SHISA6: variants seen among roughly 807,000 people sequenced by gnomAD.
The protein encoded by SHISA6 is shisa family member 6, also known as protein shisa-6.
A neutral mutation model predicts 47.9 loss-of-function variants in SHISA6; 22 were observed. The observed-to-expected ratio is 0.46, with a 90% CI of 0.33 to 0.66. SHISA6 has a LOEUF of 0.66. Among genes scored for constraint, SHISA6 ranks in the 30% least tolerant of loss-of-function variants. The pLI, the probability that SHISA6 is intolerant of heterozygous loss-of-function variation, is 0.02. For missense variants in SHISA6, 680 were observed against 764.6 expected, an observed-to-expected ratio of 0.89 and a Z score of 1.30; for synonymous variants, 388 against 337.8, an observed-to-expected ratio of 1.15 and a Z score of -1.63.
intron 3 of SHISA6, among the ~76,000 whole-genome samples, chr17:11,453,649 T>C (rs1417632485): frequency 6.6e-6 from 1 of 152,240 alleles, no homozygotes; most frequent in Non-Finnish European, 1.5e-5. Flanking sequence ...AAAATATTTT[T>C]GAAATTTATT....
chr17:11,501,115 ATTTTTTT>A (rs61051749), intron 3 of SHISA6, among the ~76,000 whole-genome samples: 1 of 145,310 alleles, frequency 6.9e-6, no homozygotes, highest in African/African-American at 2.5e-5. Context: ...CTTCCAACAC[ATTTTTTT>A]TTTTTTTGAG....
chr17:11,315,814 ATTTGG>A (rs1395695352), intron 2 of SHISA6, among the ~76,000 whole-genome samples: 1 of 152,140 alleles, frequency 6.6e-6, no homozygotes, highest in Admixed American at 6.5e-5. Context: ...TCCCATCAAA[ATTTGG>A]TTTGGTTTAG....
chr17:11,261,095 G>C (rs368412583), intron 1 of SHISA6, among the ~76,000 whole-genome samples: 2 of 151,968 alleles, frequency 1.3e-5, no homozygotes, highest in African/African-American at 4.8e-5. Context: ...ATGGAAGATG[G>C]AGAGGAACCA....
chr17:11,282,082 T>C (rs563424277), intron 2 of SHISA6, among the ~76,000 whole-genome samples: 1 of 152,338 alleles, frequency 6.6e-6, no homozygotes, highest in African/African-American at 2.4e-5. Flanking sequence ...GGCCAAATTA[T>C]CTTTACAAAA....
chr17:11,378,346 T>TGC (rs113505593), intron 2 of SHISA6, among the ~76,000 whole-genome samples: 6,903 of 152,226 alleles, frequency 0.045, 279 homozygotes, highest in Admixed American at 0.095. Context: ...TGTGTGTGTG[T>TGC]GCGCGCACAT....
chr17:11,513,551 G>C (rs1193380247), intron 3 of SHISA6, among the ~76,000 whole-genome samples: 1 of 152,144 alleles, frequency 6.6e-6, no homozygotes, highest in Non-Finnish European at 1.5e-5. Flanking sequence ...GATTCTGGAA[G>C]CTGACTTGCA....
At chr17:11,384,473 T>C (rs1913129373) in intron 3 of SHISA6, among the ~76,000 whole-genome samples, 1 of 152,252 alleles carries the variant, frequency 6.6e-6, no homozygotes, top group Non-Finnish European at 1.5e-5. Flanking sequence ...AATACCCCTA[T>C]GGAAACCCTA....
intron 2 of SHISA6, among the ~76,000 whole-genome samples, chr17:11,350,369 A>T (rs1343139105): frequency 7.0e-6 from 1 of 143,652 alleles, no homozygotes; most frequent in Non-Finnish European, 1.5e-5. Context: ...TTTAGTAGAG[A>T]CGGGGTTTCA....
chr17:11,511,020 C>T (rs185084738), intron 3 of SHISA6, among the ~76,000 whole-genome samples: 6 of 152,268 alleles, frequency 3.9e-5, no homozygotes, highest in Admixed American at 2.0e-4. Context: ...AGAGCACCCA[C>T]CTCATAAATT....
At chr17:11,379,318 C>T (rs899490192) in intron 2 of SHISA6, 96 bp from the exon 3 acceptor site, 5 of 764,094 alleles carry the variant, frequency 6.5e-6, no homozygotes, top group African/African-American at 5.6e-5. Context: ...GGTTTGAAAA[C>T]ATGCACGCCA....
chr17:11,506,504 C>A (rs1163005591), intron 3 of SHISA6, among the ~76,000 whole-genome samples: 2 of 152,142 alleles, frequency 1.3e-5, no homozygotes, highest in Non-Finnish European at 2.9e-5. Context: ...CAAAACCCAT[C>A]AGTTATAATC....
intron 3 of SHISA6, among the ~76,000 whole-genome samples, chr17:11,533,137 A>T (rs927352815): frequency 1.3e-5 from 2 of 152,184 alleles, no homozygotes; most frequent in African/African-American, 4.8e-5. Flanking sequence ...AATCTTCATT[A>T]TCAGCCCTCT....
intron 2 of SHISA6, chr17:11,288,464 A>G (rs937871896): frequency 5.3e-5 from 8 of 152,016 alleles, no homozygotes; most frequent in Non-Finnish European, 1.0e-4. Flanking sequence ...TCTCTCACTA[A>G]TTATTGCTGA....
At chr17:11,258,794 G>A (rs1908114735) in intron 1 of SHISA6, among the ~76,000 whole-genome samples, 1 of 152,258 alleles carries the variant, frequency 6.6e-6, no homozygotes, top group Non-Finnish European at 1.5e-5. Flanking sequence ...AAGGTGAATA[G>A]CACTGAGCAG....
intron 5 of SHISA6, among the ~76,000 whole-genome samples, chr17:11,556,916 A>C (rs1442983293): frequency 1.3e-5 from 2 of 152,146 alleles, no homozygotes; most frequent in Non-Finnish European, 2.9e-5. Flanking sequence ...GTAGCATGCA[A>C]GTCCAAGTAG....
chr17:11,477,315 G>GTCGTTC (rs144511618), intron 3 of SHISA6, among the ~76,000 whole-genome samples: 1 of 151,262 alleles, frequency 6.6e-6, no homozygotes, highest in Admixed American at 6.6e-5. Context: ...AGTTTTCTGT[G>GTCGTTC]TTGTTCTTTA....
intron 2 of SHISA6, among the ~76,000 whole-genome samples, chr17:11,304,158 C>T (rs1206638668): frequency 2.6e-5 from 4 of 152,218 alleles, no homozygotes; most frequent in South Asian, 4.1e-4. Flanking sequence ...GAGGGCCTGA[C>T]TGGCCAAGAG....
At chr17:11,402,117 T>C (rs1913794501) in intron 3 of SHISA6, among the ~76,000 whole-genome samples, 1 of 152,200 alleles carries the variant, frequency 6.6e-6, no homozygotes, top group Non-Finnish European at 1.5e-5. Context: ...GCAGTTCTAC[T>C]CTCTGAAGGG....
At chr17:11,454,842 G>A (rs1390471373) in intron 3 of SHISA6, among the ~76,000 whole-genome samples, 1 of 152,138 alleles carries the variant, frequency 6.6e-6, no homozygotes, top group Non-Finnish European at 1.5e-5. Flanking sequence ...CTCCTACTTG[G>A]AGCAGTTCCT....
Sources: allele counts gnomAD v4.1 joint callset (sites outside exome capture counted in the v4.1 genomes callset), GRCh38; gene constraint gnomAD v4.1.1; transcripts MANE v1.5; gene names NCBI Gene and HGNC (gene_info 2026-07-23, HGNC 2026-07-21).